DSCC1: variants seen among roughly 807,000 people sequenced by gnomAD.
DSCC1 encodes DNA replication and sister chromatid cohesion 1, also known as sister chromatid cohesion protein DCC1.
A neutral mutation model predicts 48.2 loss-of-function variants in DSCC1; 32 were observed. The observed-to-expected ratio is 0.66, with a 90% confidence interval of 0.50 to 0.89. The LOEUF is 0.89. DSCC1 is among the 40% of genes least tolerant of loss of function. The pLI is 0.00. For missense variants in DSCC1, 421 were observed against 471.7 expected (o/e 0.89, Z 1.00); for synonymous variants, 150 against 171.5 (o/e 0.87, Z 0.98).
chr8:119,854,284 G>A (rs771471064), intron 1 of DSCC1, among the ~76,000 whole-genome samples: 29 of 152,262 alleles, frequency 1.9e-4, no homozygotes, highest in Middle Eastern at 3.4e-3. Context: ...AAGGTGAAGC[G>A]GAGGAAAAGG....
intron 3 of DSCC1, among the ~76,000 whole-genome samples, chr8:119,847,662 T>C (rs1340864685): frequency 1.9e-5 from 1 of 53,426 alleles, no homozygotes; most frequent in Non-Finnish European, 4.4e-5. Context: ...TTTTTTCTTC[T>C]TTTTCTTTTT....
chr8:119,840,802 C>T (rs1826756272), intron 7 of DSCC1, among the ~76,000 whole-genome samples: 1 of 151,622 alleles, frequency 6.6e-6, no homozygotes, highest in Non-Finnish European at 1.5e-5. Flanking sequence ...ATCCTAGCTA[C>T]TCGGGAGCCT....
intron 7 of DSCC1, 59 bp downstream of exon 7, chr8:119,841,735 T>C: frequency 1.3e-6 from 2 of 1,574,574 alleles, no homozygotes; most frequent in Non-Finnish European, 1.7e-6. Context: ...AACTCAAGTA[T>C]CATTCACCTA....
intron 1 of DSCC1, among the ~76,000 whole-genome samples, chr8:119,854,536 CA>C (rs1826988377): frequency 6.6e-6 from 1 of 152,188 alleles, no homozygotes; most frequent in Non-Finnish European, 1.5e-5. Flanking sequence ...TAGTCTTTAA[CA>C]TTTATTTCTC....
chr8:119,843,513 A>C (rs1357277110), intron 5 of DSCC1, 96 bp downstream of exon 5: 1 of 1,446,790 alleles, frequency 6.9e-7, no homozygotes, highest in Non-Finnish European at 9.3e-7. Context: ...TCAAAATACA[A>C]TGATTGTAGT....
At chr8:119,846,844 C>T in intron 4 of DSCC1, 146 bp downstream of exon 4, 2 of 745,108 alleles carry the variant, frequency 2.7e-6, no homozygotes, top group Non-Finnish European at 4.3e-6. Context: ...CAGGCGTAAG[C>T]CACTGCGCCC....
rs1261462072 is a variant in DSCC1 at position 119,841,962 on chromosome 8, A to G, written c.770-14T>C. 16 of 1,611,554 alleles carry G rather than the reference A, an allele frequency of 9.9e-6. No individual in the cohort carries two copies. The Admixed American group carries it at 2.5e-4, about 25-fold the overall frequency. On this transcript the variant is annotated splice_polypyrimidine_tract_variant and intron_variant, in intron 6 of 8. Transcript: ENST00000313655. The stretch of plus-strand genomic sequence containing the variant: ...AATAAACTTCGCCTAAGGAAAAGTT[A>G]TCAGATATTTTCATATTATCATCTT...
rs1826650296 is a variant in DSCC1, at chr8:119,834,772, G to C, written c.*121C>G. The C allele has an allele frequency of 1.5e-6, 1 of 688,306 alleles. No individual in the cohort carries two copies. The highest frequency in any genetic ancestry group is 2.6e-6 in the Non-Finnish European group (1 of 388,164). The allele number at this position is 688,306 out of a possible 1,614,324, so 42.6% of individuals were successfully genotyped here. On this transcript the variant is annotated 3_prime_UTR_variant, in exon 9 of 9. Transcript: ENST00000313655. Reference sequence around the variant, plus strand: ...AGTAGTTTCAAAATGCTTAAGATGAGGAGAAAAATGCCTTAGAAGACTAGG... The same window carrying C: ...AGTAGTTTCAAAATGCTTAAGATGACGAGAAAAATGCCTTAGAAGACTAGG...
intron 6 of DSCC1, 85 bp from the exon 7 acceptor site, chr8:119,842,033 C>G: frequency 6.9e-7 from 1 of 1,451,696 alleles, no homozygotes; most frequent in Non-Finnish European, 9.3e-7. Flanking sequence ...GCTGCAGTTT[C>G]TTGAAAGGAA....
intron 3 of DSCC1, among the ~76,000 whole-genome samples, chr8:119,849,556 CAG>C (rs1415379463): frequency 6.6e-6 from 1 of 152,104 alleles, no homozygotes; most frequent in Non-Finnish European, 1.5e-5. Flanking sequence ...TCTATATAGA[CAG>C]AAAGTTTATT....
chr8:119,855,556 C>G, intron 1 of DSCC1, 58 bp downstream of exon 1: 1 of 1,505,268 alleles, frequency 6.6e-7, no homozygotes, highest in Non-Finnish European at 8.8e-7. Context: ...CGACTTTCCC[C>G]GCTGAGAAAA....
intron 1 of DSCC1, 35 bp downstream of exon 1, chr8:119,855,579 C>T: frequency 1.3e-6 from 2 of 1,522,098 alleles, no homozygotes; most frequent in Non-Finnish European, 1.8e-6. Flanking sequence ...ACGTGGCCGG[C>T]CAGAGGCTGG....
intron 8 of DSCC1, among the ~76,000 whole-genome samples, chr8:119,837,965 C>A (rs1366097773): frequency 2.0e-5 from 3 of 152,100 alleles, no homozygotes; most frequent in Non-Finnish European, 4.4e-5. Context: ...GGGTGTTTGC[C>A]TTAGAGTCAT....
At chr8:119,846,307 T>C (rs1353569120) in intron 4 of DSCC1, among the ~76,000 whole-genome samples, 3 of 152,032 alleles carry the variant, frequency 2.0e-5, no homozygotes, top group African/African-American at 4.8e-5. Flanking sequence ...AGAGACAGGA[T>C]TTCACCATGT....
chr8:119,853,242 T>C (rs1826967705), intron 1 of DSCC1, 27 bp from the exon 2 acceptor site: 6 of 1,590,968 alleles, frequency 3.8e-6, no homozygotes, highest in African/African-American at 1.3e-5. Context: ...GAAAAATATA[T>C]AGTTTATTGA....
Position 119,855,800 on chromosome 8 carries a change from G to C in DSCC1, c.-5C>G. 9.9e-6 allele frequency: 15 copies of C among 1,517,760 alleles called. No homozygotes were observed. Among genetic ancestry groups the C allele is most frequent in the Non-Finnish European group, 1.3e-5 (15 of 1,133,408 alleles). The allele number at this position is 1,517,760 out of a possible 1,614,324, so 94.0% of individuals were successfully genotyped here. ...CTCGTCGCGGGTCCTCTTCATCGCA[G>C]CGCCGGGTCTAGGAGTCCCGCCGCG... On this transcript the variant is annotated 5_prime_UTR_variant, in exon 1 of 9. Coordinates refer to ENST00000313655, the MANE Select transcript of DSCC1 (RefSeq NM_024094.3).
rs780650480 is a variant in DSCC1, at chr8:119,841,865, G to A, written c.853C>T (p.Leu285Phe). The A allele has an allele frequency of 6.2e-7, 1 of 1,614,124 alleles. No homozygotes were observed. ...MLLQNAVKFN[L>F]AEFQEVWQQS... ...TGCCACACTTCTTGAAACTCAGCGAGATTGAATTTCACCGCATTCTGAAGT... is the reference window on the plus strand; with the variant it reads ...TGCCACACTTCTTGAAACTCAGCGAAATTGAATTTCACCGCATTCTGAAGT... Residue 285 changes from leucine to phenylalanine, a missense_variant, in exon 7 of 9, where the codon CTC becomes TTC. Coordinates refer to ENST00000313655, the MANE Select transcript of DSCC1 (RefSeq NM_024094.3).
rs71304912 is a variant in DSCC1, at chr8:119,842,082, G to GTT, written c.770-136_770-135dup. On this transcript the variant is annotated intron_variant, in intron 6 of 8. Coordinates refer to ENST00000313655, the MANE Select transcript of DSCC1 (RefSeq NM_024094.3). ...CTCACTTCCGACAACCCCATAGTTC[G>GTT]TTTTTTTTTGAGACAGAGTCTCGCT... The GTT allele has an allele frequency of 8.1e-3, 7,216 of 888,492 alleles. 1 individual carries two copies. Among genetic ancestry groups the GTT allele is most frequent in the East Asian group, 0.014 (440 of 32,402 alleles). The allele number at this position is 888,492 out of a possible 1,614,324, so 55.0% of individuals were successfully genotyped here. A position where few individuals can be genotyped will look rare whatever the true frequency, so the allele number is the denominator to read the frequency against.
chr8:119,853,975 T>C (rs1454264758), intron 1 of DSCC1, among the ~76,000 whole-genome samples: 1 of 152,194 alleles, frequency 6.6e-6, no homozygotes, highest in South Asian at 2.1e-4. Flanking sequence ...TTTAGGAGGC[T>C]GAGGCCAGAA....
Sources: gnomAD v4.1 joint callset for allele counts (sites outside exome capture counted in the v4.1 genomes callset) on GRCh38, gnomAD v4.1.1 for gene constraint, MANE v1.5 for transcripts, NCBI Gene and HGNC (gene_info 2026-07-23, HGNC 2026-07-21) for gene names.